The following FAM169A variants were observed in gnomAD, a reference collection of about 807,000 sequenced individuals.
FAM169A encodes family with sequence similarity 169 member A, also known as soluble lamin-associated protein of 75 kDa.
A neutral mutation model predicts 75.7 loss-of-function variants in FAM169A; 24 were observed. The ratio of observed to expected loss-of-function variants is 0.32; its 90% CI spans 0.23 to 0.45. The LOEUF (loss-of-function observed/expected upper bound fraction) is 0.45, where lower values mean the gene tolerates loss of function less well. Ranked by LOEUF, FAM169A falls within the 20% of genes least tolerant of loss-of-function variation. The probability of loss-of-function intolerance (pLI) is 1.00; values close to 1 mark genes in which losing one functional copy is unlikely to be tolerated. For synonymous variants in FAM169A, 271 were observed against 271.0 expected (o/e 1.00, Z 0.00); for missense variants, 673 against 784.0 (o/e 0.86, Z 1.69).
At chr5:74,842,420 C>CAAAAAAAAAAAA (rs56653446) in intron 1 of FAM169A, among the ~76,000 whole-genome samples, 2 of 22,476 alleles carry the variant, frequency 8.9e-5, no homozygotes, top group Non-Finnish European at 1.5e-4. Flanking sequence ...GACTCTATCA[C>CAAAAAAAAAAAA]AAAAAAAAAA....
intron 11 of FAM169A, among the ~76,000 whole-genome samples, chr5:74,786,056 G>A (rs1466658948): frequency 1.3e-5 from 2 of 152,164 alleles, no homozygotes; most frequent in South Asian, 4.1e-4. Context: ...AGAATAAAAA[G>A]CAGGCAGAAG....
chr5:74,799,115 A>G (rs1403750575), intron 10 of FAM169A: 1 of 978,932 alleles, frequency 1.0e-6, no homozygotes, highest in African/African-American at 1.6e-5. Context: ...AATGGGCGCC[A>G]GTGTGTGAAA....
chr5:74,793,331 A>C (rs947800917), intron 11 of FAM169A, among the ~76,000 whole-genome samples: 1 of 151,998 alleles, frequency 6.6e-6, no homozygotes, highest in Non-Finnish European at 1.5e-5. Context: ...TTCAAAAAAA[A>C]AAAAAAAAAA....
Position 74,781,832 on chromosome 5 carries a change from C to T in FAM169A, c.1641G>A (p.Val547=), listed in dbSNP as rs956591995. 2 of 1,614,074 alleles carry T rather than the reference C, an allele frequency of 1.2e-6. No individual in the cohort carries two copies. The highest frequency in any genetic ancestry group is 1.7e-6 in the Non-Finnish European group (2 of 1,180,000). Residue 547 remains valine, a synonymous_variant, in exon 13 of 13, where the codon GTG becomes GTA. Coordinates refer to ENST00000687041, the MANE Select transcript of FAM169A (RefSeq NM_001376049.1). The part of the protein sequence containing the change: ...ERSDGGFPNS[V]IAEFSEEPVS... ...CCGGTTCTTCGGAAAATTCAGCTAT[C>T]ACAGAGTTTGGAAAACCACCATCAG...
intron 5 of FAM169A, among the ~76,000 whole-genome samples, chr5:74,819,144 A>T (rs1747641823): frequency 6.6e-6 from 1 of 151,930 alleles, no homozygotes; most frequent in African/African-American, 2.4e-5. Flanking sequence ...ACTTGAACCC[A>T]GGAGGCAGAG....
intron 5 of FAM169A, among the ~76,000 whole-genome samples, chr5:74,820,470 C>T (rs888475421): frequency 3.3e-5 from 5 of 152,096 alleles, no homozygotes; most frequent in Non-Finnish European, 5.9e-5. Flanking sequence ...TTTAGTAAAC[C>T]TCGCCCCTAC....
chr5:74,798,289 C>G (rs879768030), intron 10 of FAM169A, among the ~76,000 whole-genome samples: 12 of 152,122 alleles, frequency 7.9e-5, no homozygotes, highest in Admixed American at 2.6e-4. Context: ...TATGTTTCAG[C>G]AAACAGTCAA....
intron 3 of FAM169A, among the ~76,000 whole-genome samples, chr5:74,839,450 C>T (rs997630593): frequency 6.6e-6 from 1 of 151,974 alleles, no homozygotes; most frequent in African/African-American, 2.4e-5. Context: ...GACGTGCCTG[C>T]TTCCCCTTCT....
In FAM169A at chr5:74,825,400, A is replaced by T. The variant is rs563642199; in HGVS notation, c.490+9026T>A. ...ATTGAGCTCTTAAAATGTGGCCAGC[A>T]TGACTGAGAAACTGAATTTTAAAAT... On this transcript the variant is annotated intron_variant, in intron 5 of 12. Coordinates refer to ENST00000687041, the MANE Select transcript of FAM169A (RefSeq NM_001376049.1). Among the ~76,000 whole-genome samples the T allele has an allele frequency of 2.0e-4, 30 of 152,344 alleles. 1 individual carries two copies. The highest frequency in any genetic ancestry group is 4.6e-4 in the Admixed American group (7 of 15,292).
chr5:74,823,182 C>T (rs1394307855), intron 5 of FAM169A, among the ~76,000 whole-genome samples: 2 of 152,196 alleles, frequency 1.3e-5, no homozygotes, highest in Non-Finnish European at 2.9e-5. Flanking sequence ...CTTTGTAGGA[C>T]AATTAAGATC....
chr5:74,825,152 CAA>C, intron 5 of FAM169A, among the ~76,000 whole-genome samples: 1 of 152,100 alleles, frequency 6.6e-6, no homozygotes, highest in Non-Finnish European at 1.5e-5. Flanking sequence ...TCTCATCCTC[CAA>C]AGTCTCCAGT....
At chr5:74,819,419 T>C (rs571523708) in intron 5 of FAM169A, among the ~76,000 whole-genome samples, 9 of 152,282 alleles carry the variant, frequency 5.9e-5, no homozygotes, top group African/African-American at 1.9e-4. Flanking sequence ...GGCTAAGATG[T>C]GGAGAAACTG....
intron 4 of FAM169A, among the ~76,000 whole-genome samples, chr5:74,837,949 C>T (rs745466061): frequency 2.0e-5 from 3 of 151,642 alleles, no homozygotes; most frequent in Non-Finnish European, 2.9e-5. Flanking sequence ...GAAACATCGT[C>T]GCTACTAAAA....
chr5:74,857,771 G>A (rs1749801054), intron 1 of FAM169A, among the ~76,000 whole-genome samples: 1 of 151,886 alleles, frequency 6.6e-6, no homozygotes, highest in Admixed American at 6.6e-5. Context: ...CAACAAACTA[G>A]TCAAAGAATA....
chr5:74,794,548 C>T (rs1342019571), intron 11 of FAM169A, among the ~76,000 whole-genome samples: 3 of 150,988 alleles, frequency 2.0e-5, no homozygotes, highest in East Asian at 3.9e-4. Context: ...GAAACCCCGT[C>T]TTGGCGGATC....
intron 1 of FAM169A, among the ~76,000 whole-genome samples, chr5:74,842,533 TTC>T (rs1012120302): frequency 7.4e-5 from 11 of 149,178 alleles, no homozygotes; most frequent in African/African-American, 2.7e-4. Flanking sequence ...TATAGCTTTT[TTC>T]TTTTTTTTTT....
At chr5:74,798,560 A>G (rs151021124) in intron 10 of FAM169A, among the ~76,000 whole-genome samples, 7 of 152,350 alleles carry the variant, frequency 4.6e-5, no homozygotes, top group Middle Eastern at 3.4e-3. Context: ...AATTATTTGT[A>G]TAAGGATTAG....
At chr5:74,811,048 T>C (rs913440845) in intron 6 of FAM169A, among the ~76,000 whole-genome samples, 5 of 148,306 alleles carry the variant, frequency 3.4e-5, no homozygotes, top group Admixed American at 1.4e-4. Flanking sequence ...AGTGGCACAA[T>C]TTTGGCTCAC....
At chr5:74,792,581 G>A (rs1462568484) in intron 11 of FAM169A, among the ~76,000 whole-genome samples, 1 of 152,132 alleles carries the variant, frequency 6.6e-6, no homozygotes, top group Non-Finnish European at 1.5e-5. Context: ...GTGGGACTCT[G>A]TGATCATGTG....
Sources: gnomAD v4.1 joint callset for allele counts (sites outside exome capture counted in the v4.1 genomes callset) on GRCh38, gnomAD v4.1.1 for gene constraint, MANE v1.5 for transcripts, NCBI Gene and HGNC (gene_info 2026-07-23, HGNC 2026-07-21) for gene names.